MACROD1: variants seen among roughly 807,000 people sequenced by gnomAD.
The protein encoded by MACROD1 is ADP-ribose glycohydrolase MACROD1.
MACROD1 carries 31 observed loss-of-function variants against 41.4 expected under a neutral mutation model. The observed-to-expected ratio is 0.75, with a 90% CI of 0.56 to 1.01. The LOEUF is 1.01. MACROD1 is among the 50% of genes least tolerant of loss of function. The probability of loss-of-function intolerance (pLI) is 0.00; values close to 1 mark genes in which losing one functional copy is unlikely to be tolerated. For synonymous variants in MACROD1, 252 were observed against 203.4 expected (o/e 1.24, Z -2.03); for missense variants, 473 against 460.0 (o/e 1.03, Z -0.26).
At chr11:64,045,319 C>T (rs1482034239) in intron 3 of MACROD1, among the ~76,000 whole-genome samples, 1 of 152,214 alleles carries the variant, frequency 6.6e-6, no homozygotes, top group Non-Finnish European at 1.5e-5. Flanking sequence ...GGCAGCAGCT[C>T]CTGGAATCCT....
rs566220656 is a variant in MACROD1, at chr11:64,038,902, G to A, written c.518-23621C>T. ...CCCGTCTTCCTCATCTGTAGGGTGG[G>A]GTAACAGCAGTACCTACCTTGGGGA... On this transcript the variant is annotated intron_variant, in intron 3 of 10. Transcript: ENST00000255681. Among the ~76,000 whole-genome samples, 191 of 152,308 alleles carry A rather than the reference G, an allele frequency of 1.3e-3. 3 individuals are homozygous for A. In the South Asian group the frequency reaches 0.013, roughly 10 times the overall value.
At chr11:64,086,309 G>A (rs1001014983) in intron 3 of MACROD1, among the ~76,000 whole-genome samples, 2 of 151,984 alleles carry the variant, frequency 1.3e-5, no homozygotes, top group South Asian at 4.2e-4. Context: ...GTGCATACCG[G>A]CACCTGCACA....
At chr11:64,101,451 C>T (rs1287437481) in intron 3 of MACROD1, among the ~76,000 whole-genome samples, 1 of 152,116 alleles carries the variant, frequency 6.6e-6, no homozygotes, top group Non-Finnish European at 1.5e-5. Flanking sequence ...CGGGAGGCAG[C>T]GGCCACAGCT....
chr11:64,085,582 C>A (rs750372354), intron 3 of MACROD1, among the ~76,000 whole-genome samples: 1 of 152,236 alleles, frequency 6.6e-6, no homozygotes, highest in Non-Finnish European at 1.5e-5. Context: ...CCGGGTCCAC[C>A]CCAGGCCGCA....
At chr11:64,143,001 C>T (rs1247397249) in intron 3 of MACROD1, among the ~76,000 whole-genome samples, 1 of 151,816 alleles carries the variant, frequency 6.6e-6, no homozygotes, top group Non-Finnish European at 1.5e-5. Context: ...GTGGTCCCTG[C>T]TACTCAGGAT....
intron 3 of MACROD1, among the ~76,000 whole-genome samples, chr11:64,129,376 AC>A (rs1483318411): frequency 6.6e-6 from 1 of 152,238 alleles, no homozygotes; most frequent in Non-Finnish European, 1.5e-5. Context: ...GTGGGACGAC[AC>A]AGGTAATGCC....
intron 3 of MACROD1, among the ~76,000 whole-genome samples, chr11:64,066,391 T>A (rs1259761788): frequency 6.7e-6 from 1 of 148,760 alleles, no homozygotes; most frequent in Non-Finnish European, 1.5e-5. Flanking sequence ...GGTGGTAGGA[T>A]CACTAGAAGC....
intron 3 of MACROD1, among the ~76,000 whole-genome samples, chr11:64,041,229 A>AAAAAG (rs1943480307): frequency 7.0e-6 from 1 of 142,566 alleles, no homozygotes; most frequent in South Asian, 2.3e-4. Flanking sequence ...AAAAAAAAAA[A>AAAAAG]GCATGAGCGA....
At chr11:64,152,190 C>A in intron 2 of MACROD1, 102 bp downstream of exon 2, 1 of 858,562 alleles carries the variant, frequency 1.2e-6, no homozygotes, top group Admixed American at 1.9e-5. Context: ...CTGCAGCAAG[C>A]ACTCGATACA....
At position 64,020,937 on chromosome 11, in the gene MACROD1, G is replaced by A. The variant is rs1042689728; in HGVS notation, c.518-5656C>T. On this transcript the variant is annotated intron_variant, in intron 3 of 10. Coordinates refer to ENST00000255681, the MANE Select transcript of MACROD1 (RefSeq NM_014067.4). ...TCACCATGTTGGCCAGGCTGGTCTC[G>A]AACTCCTGAGCTCAGGTGATCCACC... 5.3e-5 allele frequency among the ~76,000 whole-genome samples: 8 copies of A among 152,008 alleles called. No homozygotes were observed. In the South Asian group the frequency reaches 8.3e-4, roughly 16 times the overall value.
intron 3 of MACROD1, chr11:64,060,591 C>G (rs1018815533): frequency 1.3e-5 from 2 of 152,208 alleles, no homozygotes; most frequent in African/African-American, 4.8e-5. Flanking sequence ...CTCCCATGCG[C>G]GCACAGCCTG....
chr11:64,155,482 T>G (rs991489771), intron 1 of MACROD1, among the ~76,000 whole-genome samples: 1 of 152,200 alleles, frequency 6.6e-6, no homozygotes, highest in South Asian at 2.1e-4. Context: ...ATCTCTGGAA[T>G]AGGGACAAGG....
At chr11:64,092,141 C>T (rs1253176742) in intron 3 of MACROD1, among the ~76,000 whole-genome samples, 3 of 152,240 alleles carry the variant, frequency 2.0e-5, no homozygotes, top group African/African-American at 7.2e-5. Context: ...GTGTTAGGGT[C>T]GCCGTGGCAT....
At chr11:64,142,488 C>T (rs1346191777) in intron 3 of MACROD1, among the ~76,000 whole-genome samples, 7 of 152,180 alleles carry the variant, frequency 4.6e-5, no homozygotes, top group East Asian at 1.9e-4. Flanking sequence ...GGGGACGGGG[C>T]GGAAGACCTT....
chr11:64,053,194 C>T (rs967109459), intron 3 of MACROD1, among the ~76,000 whole-genome samples: 12 of 152,138 alleles, frequency 7.9e-5, no homozygotes, highest in African/African-American at 2.9e-4. Flanking sequence ...CTGGGGTGGG[C>T]GTGCTGGGGA....
Position 64,090,874 on chromosome 11 carries a change from T to C in MACROD1, c.517+60365A>G, listed in dbSNP as rs1461678103. ...TCCCAGGGAGCCCTGAGGGACGAAG[T>C]AAAGCAGGAGAGGGCAGGGGGAGGG... On this transcript the variant is annotated intron_variant, in intron 3 of 10. Transcript: ENST00000255681. This position sits in a 1 kb window ranked among gnomAD's most constrained non-coding sequence, Gnocchi z 4.7. 6.6e-6 allele frequency among the ~76,000 whole-genome samples: 1 copy of C among 151,654 alleles called. No individual in the cohort carries two copies. Among genetic ancestry groups the C allele is most frequent in the Non-Finnish European group, 1.5e-5 (1 of 67,902 alleles).
intron 3 of MACROD1, among the ~76,000 whole-genome samples, chr11:64,081,165 G>A (rs1281035006): frequency 1.3e-5 from 2 of 152,140 alleles, no homozygotes; most frequent in African/African-American, 4.8e-5. Flanking sequence ...GGGATTACAG[G>A]TGTCCACCAC....
At position 64,036,756 on chromosome 11, in the gene MACROD1, T is replaced by C. The variant is rs1943388315; in HGVS notation, c.518-21475A>G. Among the ~76,000 whole-genome samples the C allele has an allele frequency of 6.6e-6, 1 of 152,074 alleles. No individual in the cohort carries two copies. Among genetic ancestry groups the C allele is most frequent in the Non-Finnish European group, 1.5e-5 (1 of 67,986 alleles). ...CTGAGCCGGGCGGGGGCTGGGGCCGTACACCTGGCGGCTGGAACGGTGAGA... is the reference window on the plus strand; with the variant it reads ...CTGAGCCGGGCGGGGGCTGGGGCCGCACACCTGGCGGCTGGAACGGTGAGA... On this transcript the variant is annotated intron_variant, in intron 3 of 10. Coordinates refer to ENST00000255681, the MANE Select transcript of MACROD1 (RefSeq NM_014067.4). This position sits in a 1 kb window ranked among gnomAD's most constrained non-coding sequence, Gnocchi z 5.6.
chr11:64,030,457 A>G lies in MACROD1; in HGVS notation c.518-15176T>C, dbSNP rs57954176. Among the ~76,000 whole-genome samples, 307 of 152,270 alleles carry G rather than the reference A, an allele frequency of 2.0e-3. 8 individuals are homozygous for G. In the East Asian group the frequency reaches 0.047, roughly 23 times the overall value. Reference sequence around the variant, plus strand: ...AGGGGTTGGGGACATGCAGGAACCCAAATAGGCCCGGCTGTGCCCTCAAGG... The same window carrying G: ...AGGGGTTGGGGACATGCAGGAACCCGAATAGGCCCGGCTGTGCCCTCAAGG... On this transcript the variant is annotated intron_variant, in intron 3 of 10. Coordinates refer to ENST00000255681, the MANE Select transcript of MACROD1 (RefSeq NM_014067.4).
Sources: gnomAD v4.1 joint callset for allele counts (sites outside exome capture counted in the v4.1 genomes callset) on GRCh38, gnomAD v4.1.1 for gene constraint, Gnocchi (gnomAD v3.1) non-coding constraint, MANE v1.5 for transcripts, NCBI Gene and HGNC (gene_info 2026-07-23, HGNC 2026-07-21) for gene names.